Variants in TEX14 observed in about 807,000 individuals in gnomAD.
TEX14 encodes the protein testis expressed 14, intercellular bridge forming factor, also known as inactive serine/threonine-protein kinase TEX14.
TEX14 carries 168 observed loss-of-function variants against 178.6 expected under a neutral mutation model. The observed-to-expected ratio is 0.94, with a 90% confidence interval of 0.83 to 1.07. The LOEUF is 1.07. TEX14 is among the 50% of genes least tolerant of loss of function. The pLI is 0.00. For synonymous variants in TEX14, 626 were observed against 634.1 expected (o/e 0.99, Z 0.19); for missense variants, 1,730 against 1,753.6 (o/e 0.99, Z 0.24).
intron 2 of TEX14, among the ~76,000 whole-genome samples, chr17:58,640,695 A>G: frequency 6.6e-6 from 1 of 151,402 alleles, no homozygotes; most frequent in East Asian, 1.9e-4. Flanking sequence ...GAATTATAAC[A>G]TTGTTGAAAC....
intron 15 of TEX14, among the ~76,000 whole-genome samples, chr17:58,588,536 C>T (rs1291881754): frequency 2.6e-5 from 4 of 152,082 alleles, no homozygotes; most frequent in African/African-American, 4.8e-5. Flanking sequence ...CCACCCACCT[C>T]GGCCTCCCAA....
rs1338987389 is a variant in TEX14 at position 58,660,727 on chromosome 17, T to A, written c.-1-8725A>T. The A allele has an allele frequency of 3.8e-6, 3 of 781,458 alleles. No homozygotes were observed. In the South Asian group the frequency reaches 4.0e-5, roughly 10 times the overall value. The allele number at this position is 781,458 out of a possible 1,614,324, so 48.4% of individuals were successfully genotyped here. On this transcript the variant is annotated intron_variant, in intron 1 of 31. Transcript: ENST00000349033. ...GAGTGGCTTTTCTGAATTCTTCTGG[T>A]GTTGCCTTGGCTATTCCCTGATCTG... is the stretch of plus-strand genomic sequence containing the variant.
At chr17:58,640,496 T>G (rs941286055) in intron 2 of TEX14, among the ~76,000 whole-genome samples, 1 of 152,038 alleles carries the variant, frequency 6.6e-6, no homozygotes, top group Non-Finnish European at 1.5e-5. Context: ...CCAGAGCTTA[T>G]TATCTTAACC....
intron 18 of TEX14, among the ~76,000 whole-genome samples, chr17:58,584,897 G>C (rs1475892854): frequency 6.6e-6 from 1 of 152,132 alleles, no homozygotes; most frequent in Non-Finnish European, 1.5e-5. Context: ...AAGTTTAGAT[G>C]TATCTTTCTT....
intron 1 of TEX14, among the ~76,000 whole-genome samples, chr17:58,668,689 C>T (rs1247670571): frequency 6.6e-6 from 1 of 152,048 alleles, no homozygotes; most frequent in Non-Finnish European, 1.5e-5. Flanking sequence ...GAGAGGACTT[C>T]TTTTTTTTAT....
Position 58,584,556 on chromosome 17 carries a change from T to G in TEX14, c.3115A>C (p.Ser1039Arg), listed in dbSNP as rs2044905433. The change falls in exon 19 of 32, where the codon AGT (serine) becomes CGT (arginine). Residue 1039 changes from serine (S) to arginine (R), a missense_variant. By Grantham distance (110) the Ser-to-Arg change is moderately radical (BLOSUM62 -1). Transcript: ENST00000349033. ...SPRQKEQPEH[S>R]EAFQASSDTL... ...TCAGAACTTGCTTGGAAGGCTTCAC[T>G]ATGCTCTGGTTGCTCCTTTTGTCTG... The G allele has an allele frequency of 6.2e-7, 1 of 1,614,198 alleles. No homozygotes were observed. Among genetic ancestry groups the G allele is most frequent in the Non-Finnish European group, 8.5e-7 (1 of 1,180,010 alleles).
chr17:58,570,275 T>C lies in TEX14; in HGVS notation c.3817+110A>G, dbSNP rs1175592980. On this transcript the variant is annotated intron_variant, in intron 25 of 31. Coordinates refer to ENST00000349033, the MANE Select transcript of TEX14 (RefSeq NM_031272.5). ...TGAGTGTGTTTTACTTTTATAATCA[T>C]GGGGAAAACAGCATTTCTGTCTGAA... 1.1e-5 allele frequency: 7 copies of C among 626,638 alleles called. No individual in the cohort carries two copies. In the East Asian group the frequency reaches 1.5e-4, roughly 14 times the overall value. 38.8% of individuals were successfully genotyped at this position (626,638 alleles called of 1,614,324 possible). A position where few individuals can be genotyped will look rare whatever the true frequency, so the allele number is the denominator to read the frequency against.
In TEX14 at chr17:58,638,277, C is replaced by T. The variant is rs915276743; in HGVS notation, c.137-7723G>A. 2.6e-5 allele frequency among the ~76,000 whole-genome samples: 4 copies of T among 151,874 alleles called. No homozygotes were observed. In the South Asian group the frequency reaches 6.2e-4, roughly 24 times the overall value. Reference sequence around the variant, plus strand: ...TAATCCCAGCACTTTGGGAGGCCAACCCGGGACACTTGCTTGAGCCCAGTA... The same window carrying T: ...TAATCCCAGCACTTTGGGAGGCCAATCCGGGACACTTGCTTGAGCCCAGTA... On this transcript the variant is annotated intron_variant, in intron 2 of 31. Transcript: ENST00000349033.
chr17:58,678,219 A>T (rs1294685796), intron 1 of TEX14, among the ~76,000 whole-genome samples: 1 of 152,154 alleles, frequency 6.6e-6, no homozygotes, highest in East Asian at 1.9e-4. Flanking sequence ...AGATGGGCCT[A>T]ATGTAATCAC....
At chr17:58,647,614 CA>C (rs67832814) in intron 2 of TEX14, among the ~76,000 whole-genome samples, 46,815 of 115,286 alleles carry the variant, frequency 0.41, 7,644 homozygotes, top group East Asian at 0.52. Flanking sequence ...TGAGGTCAGG[CA>C]AAAAAAAAAA....
intron 1 of TEX14, chr17:58,675,458 T>C (rs302867): frequency 0.25 from 38,173 of 153,788 alleles, 5,520 homozygotes; most frequent in Middle Eastern, 0.42. Context: ...AAGGGCCAAA[T>C]GATATCCAGT....
At chr17:58,560,739 C>T (rs777980279) in intron 29 of TEX14, among the ~76,000 whole-genome samples, 2 of 152,232 alleles carry the variant, frequency 1.3e-5, no homozygotes, top group Non-Finnish European at 2.9e-5. Context: ...TCTGTAGCCA[C>T]ACTCTTGTGT....
intron 21 of TEX14, among the ~76,000 whole-genome samples, chr17:58,575,033 C>T (rs1022145185): frequency 6.6e-6 from 1 of 151,734 alleles, no homozygotes; most frequent in African/African-American, 2.4e-5. Flanking sequence ...CTACTTTAAC[C>T]AATATTTAAG....
intron 1 of TEX14, among the ~76,000 whole-genome samples, chr17:58,688,051 G>T (rs556568593): frequency 5.9e-5 from 9 of 152,262 alleles, no homozygotes; most frequent in African/African-American, 1.7e-4. Flanking sequence ...GATTACTGTG[G>T]ATCAAGTCAA....
intron 2 of TEX14, chr17:58,631,928 A>G (rs548952859): frequency 9.8e-4 from 149 of 152,364 alleles, no homozygotes; most frequent in African/African-American, 3.4e-3. Context: ...CCTCTCGAAA[A>G]TATTACTATG....
chr17:58,660,505 G>C, intron 1 of TEX14: 1 of 707,496 alleles, frequency 1.4e-6, no homozygotes, highest in East Asian at 2.5e-5. Flanking sequence ...GGAGCTCAGG[G>C]AGGGGAAGGC....
At chr17:58,646,130 T>C (rs60072906) in intron 2 of TEX14, among the ~76,000 whole-genome samples, 1,712 of 152,288 alleles carry the variant, frequency 0.011, 37 homozygotes, top group African/African-American at 0.039. Context: ...GTCAACTGTA[T>C]TGAAATAACT....
At chr17:58,557,776 A>G in intron 31 of TEX14, 23 bp downstream of exon 31, 1 of 1,600,728 alleles carries the variant, frequency 6.2e-7, no homozygotes, top group Non-Finnish European at 8.5e-7. Flanking sequence ...CTTTTGATCT[A>G]CAAACATCTG....
At chr17:58,605,164 C>T (rs1391433117) in intron 10 of TEX14, 35 bp from the exon 11 acceptor site, 7 of 1,598,476 alleles carry the variant, frequency 4.4e-6, no homozygotes, top group Non-Finnish European at 6.0e-6. Flanking sequence ...GCGCTCATGC[C>T]TTAAAGGGTC....
Sources: allele counts gnomAD v4.1 joint callset (sites outside exome capture counted in the v4.1 genomes callset), GRCh38; gene constraint gnomAD v4.1.1; transcripts MANE v1.5; gene names NCBI Gene and HGNC (gene_info 2026-07-23, HGNC 2026-07-21).